The following CSTF1 variants were observed in gnomAD, a reference collection of about 807,000 sequenced individuals.
CSTF1 encodes the protein CF-1 50 kDa subunit.
CSTF1 carries 2 observed loss-of-function variants against 40.9 expected under a neutral mutation model. That is an observed-to-expected ratio of 0.05 (90% CI 0.02 to 0.15). The LOEUF (loss-of-function observed/expected upper bound fraction) is 0.15, where lower values mean the gene tolerates loss of function less well. CSTF1 is among the 10% of genes least tolerant of loss of function. CSTF1 has a pLI of 1.00. For missense variants in CSTF1, 279 were observed against 558.9 expected, an observed-to-expected ratio of 0.50 and a Z score of 5.05; for synonymous variants, 218 against 207.2, an observed-to-expected ratio of 1.05 and a Z score of -0.45.
chr20:56,405,134 T>G lies in CSTF1; in HGVS notation c.*1407T>G, dbSNP rs1053667708. ...ACCTAGAAATATAATCTGGGATCAT[T>G]TGATAAAAATAGTAAATAGATTGAA... is the stretch of plus-strand genomic sequence containing the variant. On this transcript the variant is annotated 3_prime_UTR_variant, in exon 6 of 6. Transcript: ENST00000217109. The G allele has an allele frequency of 6.6e-6, 1 of 152,108 alleles. No individual in the cohort carries two copies. The highest frequency in any genetic ancestry group is 1.5e-5 in the Non-Finnish European group (1 of 68,030). 9.4% of individuals were successfully genotyped at this position (152,108 alleles called of 1,614,324 possible). A position where few individuals can be genotyped will look rare whatever the true frequency, so the allele number is the denominator to read the frequency against.
intron 5 of CSTF1, among the ~76,000 whole-genome samples, chr20:56,401,975 A>G (rs191313643): frequency 3.3e-4 from 51 of 152,300 alleles, no homozygotes; most frequent in Admixed American, 2.0e-3. Flanking sequence ...CATATGCTTG[A>G]ATATTAATAG....
At position 56,398,983 on chromosome 20, in the gene CSTF1, G is replaced by T; in HGVS notation, c.662G>T (p.Arg221Leu). ...FKYIQEAEML[R>L]SISFHPSGDF... The stretch of plus-strand genomic sequence containing the variant: ...TCCCAACAGGAAGCTGAAATGTTAC[G>T]TTCCATCTCTTTTCATCCTTCTGGA... The change falls in exon 5 of 6, where the codon CGT becomes CTT. Residue 221 changes from arginine (R) to leucine (L), a missense_variant. Physicochemically the swap from Arg to Leu is moderately radical, Grantham distance 102 (BLOSUM62 -2). This residue lies in a region of CSTF1 where 162 missense variants were observed against 337.1 expected (regional missense o/e 0.48). Coordinates refer to ENST00000217109, the MANE Select transcript of CSTF1 (RefSeq NM_001324.3). 1 of 1,609,042 alleles carries T rather than the reference G, an allele frequency of 6.2e-7. No homozygotes were observed.
chr20:56,398,804 A>C (rs940670923), intron 4 of CSTF1, among the ~76,000 whole-genome samples, 163 bp from the exon 5 acceptor site: 4 of 152,254 alleles, frequency 2.6e-5, no homozygotes, highest in African/African-American at 9.6e-5. Flanking sequence ...TATTCAAAAA[A>C]TACTTTCATA....
Position 56,399,427 on chromosome 20 carries a change from C to G in CSTF1, c.1036+70C>G, listed in dbSNP as rs559110364. 1.5e-6 allele frequency: 2 copies of G among 1,349,060 alleles called. No homozygotes were observed. Among genetic ancestry groups the G allele is most frequent in the East Asian group, 4.6e-5 (2 of 43,470 alleles). 83.6% of individuals were successfully genotyped at this position (1,349,060 alleles called of 1,614,324 possible). On this transcript the variant is annotated intron_variant, in intron 5 of 5. Coordinates refer to ENST00000217109, the MANE Select transcript of CSTF1 (RefSeq NM_001324.3). The surrounding 1 kb of genome is among the most constrained non-coding windows in gnomAD (Gnocchi z 4.6). ...ACTTTCCAGAACTCTCTTTTAAGACCTCACAATAGAGCAACACAATATCTA... is the reference window on the plus strand; with the variant it reads ...ACTTTCCAGAACTCTCTTTTAAGACGTCACAATAGAGCAACACAATATCTA...
At chr20:56,395,977 A>C (rs911703543) in intron 2 of CSTF1, 1 of 348,636 alleles carries the variant, frequency 2.9e-6, no homozygotes, top group Non-Finnish European at 5.2e-6. Flanking sequence ...TCTGTCAGAC[A>C]TATTACTGAC....
At chr20:56,400,202 C>T (rs906696609) in intron 5 of CSTF1, among the ~76,000 whole-genome samples, 1 of 152,176 alleles carries the variant, frequency 6.6e-6, no homozygotes, top group African/African-American at 2.4e-5. Flanking sequence ...TCAGTGACAT[C>T]TGACCCACTA....
chr20:56,395,842 T>A, intron 2 of CSTF1, 121 bp downstream of exon 2: 1 of 1,031,482 alleles, frequency 9.7e-7, no homozygotes, highest in Non-Finnish European at 1.4e-6. Flanking sequence ...GGTACTTCAG[T>A]AAGTAAGTAG....
intron 4 of CSTF1, among the ~76,000 whole-genome samples, chr20:56,398,530 C>T (rs1029070953): frequency 2.6e-5 from 4 of 152,130 alleles, no homozygotes; most frequent in African/African-American, 9.7e-5. Flanking sequence ...GTGACCATGC[C>T]GCTGCACTCC....
In CSTF1 at chr20:56,395,654, C is replaced by G; in HGVS notation, c.102C>G (p.Leu34=). Residue 34 remains leucine, a synonymous_variant, in exon 2 of 6, where the codon CTC becomes CTG. Coordinates refer to ENST00000217109, the MANE Select transcript of CSTF1 (RefSeq NM_001324.3). ...YDGYISIANG[L]INEIKPQSVC... is the part of the protein sequence containing the mutation. Reference sequence around the variant, plus strand: ...GCTACATCAGCATCGCCAATGGCCTCATCAATGAAATCAAGCCTCAGTCTG... The same window carrying G: ...GCTACATCAGCATCGCCAATGGCCTGATCAATGAAATCAAGCCTCAGTCTG... 1.2e-6 allele frequency: 2 copies of G among 1,614,196 alleles called. No homozygotes were observed. The highest frequency in any genetic ancestry group is 1.7e-6 in the Non-Finnish European group (2 of 1,180,034).
At chr20:56,402,531 A>T (rs1978504225) in intron 5 of CSTF1, among the ~76,000 whole-genome samples, 1 of 152,234 alleles carries the variant, frequency 6.6e-6, no homozygotes, top group Admixed American at 6.5e-5. Flanking sequence ...ACTTTGTCTC[A>T]GTAATTCTGT....
intron 4 of CSTF1, among the ~76,000 whole-genome samples, chr20:56,398,136 C>T (rs193174385): frequency 1.3e-5 from 2 of 152,232 alleles, no homozygotes; most frequent in Admixed American, 1.3e-4. Context: ...ACCAGCTTCA[C>T]TAATATATAA....
intron 2 of CSTF1, chr20:56,396,946 C>T: frequency 2.4e-6 from 1 of 414,884 alleles, no homozygotes. Flanking sequence ...AAGTAGTAAA[C>T]TCTGGAGGCA....
rs757307761 is a variant in CSTF1 at position 56,399,044 on chromosome 20, T to G, written c.723T>G (p.Leu241=). Residue 241 remains leucine, a synonymous_variant, in exon 5 of 6, where the codon CTT becomes CTG. Coordinates refer to ENST00000217109, the MANE Select transcript of CSTF1 (RefSeq NM_001324.3). The surrounding 1 kb of genome is among the most constrained non-coding windows in gnomAD (Gnocchi z 4.6). ...TTGTCGGAACTCAGCATCCTACTCTTCGCCTTTATGATATCAACACCTTTC... is the reference window on the plus strand; with the variant it reads ...TTGTCGGAACTCAGCATCCTACTCTGCGCCTTTATGATATCAACACCTTTC... ...FILVGTQHPT[L]RLYDINTFQC... is the part of the protein sequence containing the mutation. 4.3e-6 allele frequency: 7 copies of G among 1,614,172 alleles called. No homozygotes were observed. The highest frequency in any genetic ancestry group is 2.5e-6 in the Non-Finnish European group (3 of 1,180,006).
In CSTF1 at chr20:56,399,234, G is replaced by A; in HGVS notation, c.913G>A (p.Asp305Asn). 6.2e-7 allele frequency: 1 copy of A among 1,614,228 alleles called. No individual in the cohort carries two copies. Among genetic ancestry groups the A allele is most frequent in the Middle Eastern group, 1.6e-4 (1 of 6,062 alleles). The change falls in exon 5 of 6, where the codon GAC becomes AAC. Residue 305 changes from aspartate to asparagine, a missense_variant. By Grantham distance (23) the Asp-to-Asn change is conservative. Transcript: ENST00000217109. This position sits in a 1 kb window ranked among gnomAD's most constrained non-coding sequence, Gnocchi z 4.6. ...RCITTFEKAH[D>N]GAEVCSAIFS... ...CATCACAACTTTTGAGAAAGCACAT[G>A]ACGGTGCTGAAGTTTGTTCTGCCAT...
chr20:56,393,877 C>T (rs1987418145), intron 1 of CSTF1, among the ~76,000 whole-genome samples: 2 of 152,098 alleles, frequency 1.3e-5, no homozygotes, highest in East Asian at 1.9e-4. Context: ...ACAGGGAAAG[C>T]CTCTTCCCGC....
At chr20:56,400,157 A>G (rs941302105) in intron 5 of CSTF1, among the ~76,000 whole-genome samples, 2 of 152,212 alleles carry the variant, frequency 1.3e-5, no homozygotes, top group African/African-American at 4.8e-5. Flanking sequence ...CAGTATTGGA[A>G]GGGACTGGAT....
chr20:56,397,112 G>A lies in CSTF1; in HGVS notation c.170-95G>A, dbSNP rs1054180429. 3 of 1,346,190 alleles carry A rather than the reference G, an allele frequency of 2.2e-6. No individual in the cohort carries two copies. Among genetic ancestry groups the A allele is most frequent in the Admixed American group, 4.1e-5 (2 of 48,972 alleles). 83.4% of individuals were successfully genotyped at this position (1,346,190 alleles called of 1,614,324 possible). On this transcript the variant is annotated intron_variant, in intron 2 of 5. Transcript: ENST00000217109. This position sits in a 1 kb window ranked among gnomAD's most constrained non-coding sequence, Gnocchi z 4.4. ...TCCAAGAAATAGGAGGTTGACACTGGTGAGCATCTTTCCAGTTTGGATCTA... is the reference window on the plus strand; with the variant it reads ...TCCAAGAAATAGGAGGTTGACACTGATGAGCATCTTTCCAGTTTGGATCTA...
rs764700659 is a variant in CSTF1 at position 56,399,030 on chromosome 20, C to G, written c.709C>G (p.Gln237Glu). Reference protein sequence around the residue: ...PSGDFILVGTQHPTLRLYDIN... With the variant: ...PSGDFILVGTEHPTLRLYDIN... ...TGGAGACTTTATACTTGTCGGAACTCAGCATCCTACTCTTCGCCTTTATGA... is the reference window on the plus strand; with the variant it reads ...TGGAGACTTTATACTTGTCGGAACTGAGCATCCTACTCTTCGCCTTTATGA... Residue 237 changes from glutamine to glutamate, a missense_variant, in exon 5 of 6, where the codon CAG (glutamine) becomes GAG (glutamate). This residue lies in a region of CSTF1 where 162 missense variants were observed against 337.1 expected (regional missense o/e 0.48). Coordinates refer to ENST00000217109, the MANE Select transcript of CSTF1 (RefSeq NM_001324.3). The surrounding 1 kb of genome is among the most constrained non-coding windows in gnomAD (Gnocchi z 4.6). The G allele has an allele frequency of 3.7e-6, 6 of 1,613,960 alleles. No homozygotes were observed. The highest frequency in any genetic ancestry group is 2.2e-5 in the East Asian group (1 of 44,896).
intron 4 of CSTF1, 53 bp from the exon 5 acceptor site, chr20:56,398,914 G>A: frequency 6.8e-7 from 1 of 1,464,792 alleles, no homozygotes; most frequent in South Asian, 1.4e-5. Context: ...CATTTCCTCT[G>A]GATTTAATTG....
Sources: allele counts gnomAD v4.1 joint callset (sites outside exome capture counted in the v4.1 genomes callset), GRCh38; gene constraint gnomAD v4.1.1; regional missense constraint gnomAD v4.1.1; non-coding constraint Gnocchi (gnomAD v3.1); transcripts MANE v1.5; gene names NCBI Gene and HGNC (gene_info 2026-07-23, HGNC 2026-07-21).